Variants in COL22A1 observed in about 807,000 individuals in gnomAD.
COL22A1 encodes the protein collagen type XXII alpha 1 chain, also known as collagen alpha-1(XXII) chain.
Under a neutral mutation model 248.9 loss-of-function variants are expected in COL22A1, and 221 were observed. That is an observed-to-expected ratio of 0.89 (90% confidence interval 0.80 to 0.99). COL22A1 has a LOEUF of 0.99. COL22A1 is among the 50% of genes least tolerant of loss of function. The probability of loss-of-function intolerance (pLI) is 0.00; values close to 1 mark genes in which losing one functional copy is unlikely to be tolerated. For synonymous variants in COL22A1, 891 were observed against 793.4 expected (o/e 1.12, Z -2.07); for missense variants, 2,240 against 2,179.0 (o/e 1.03, Z -0.56).
At chr8:138,719,036 C>T (rs529659621) in intron 27 of COL22A1, among the ~76,000 whole-genome samples, 5 of 152,190 alleles carry the variant, frequency 3.3e-5, no homozygotes, top group Non-Finnish European at 4.4e-5. Flanking sequence ...GAAGGATTTG[C>T]CAATTCACAA....
In COL22A1 at chr8:138,725,425, G is replaced by T. The variant is rs777919486; in HGVS notation, c.2155C>A (p.Pro719Thr). The T allele has an allele frequency of 6.2e-7, 1 of 1,614,100 alleles. No homozygotes were observed. Among genetic ancestry groups the T allele is most frequent in the Non-Finnish European group, 8.5e-7 (1 of 1,179,998 alleles). The change falls in exon 24 of 65, where the codon CCT becomes ACT. Residue 719 changes from proline to threonine, a missense_variant. Transcript: ENST00000303045. Reference protein sequence around the residue: ...LLGLQGPPGPPGVPGPPGPGG... With the variant: ...LLGLQGPPGPTGVPGPPGPGG... Reference sequence around the variant, plus strand: ...GGTCCAGGGGGGCCTGGGACACCAGGGGGTCCTGGAGGGCCCTGTAGAGAA... The same window carrying T: ...GGTCCAGGGGGGCCTGGGACACCAGTGGGTCCTGGAGGGCCCTGTAGAGAA...
chr8:138,690,790 G>C, intron 36 of COL22A1, 31 bp downstream of exon 36: 1 of 1,580,058 alleles, frequency 6.3e-7, no homozygotes, highest in Non-Finnish European at 8.6e-7. Context: ...TGGTGGCTGG[G>C]CCGTGCGTAT....
intron 47 of COL22A1, among the ~76,000 whole-genome samples, chr8:138,643,628 A>AGATAGATAGATG (rs1821916080): frequency 1.5e-5 from 1 of 66,208 alleles, no homozygotes; most frequent in Non-Finnish European, 3.4e-5. Context: ...ATAGATAGAT[A>AGATAGATAGATG]GATAGATAGA....
intron 3 of COL22A1, among the ~76,000 whole-genome samples, chr8:138,860,776 C>A (rs1000285014): frequency 6.6e-6 from 1 of 152,166 alleles, no homozygotes; most frequent in South Asian, 2.1e-4. Flanking sequence ...CCACTACACT[C>A]CAGCCTGGGC....
At chr8:138,783,692 G>A (rs10282799) in intron 12 of COL22A1, among the ~76,000 whole-genome samples, 43,905 of 152,060 alleles carry the variant, frequency 0.29, 6,800 homozygotes, top group African/African-American at 0.39. Flanking sequence ...CATCACACAC[G>A]GCCACTGTGA....
intron 3 of COL22A1, among the ~76,000 whole-genome samples, chr8:138,867,931 A>G (rs1454965755): frequency 6.6e-6 from 1 of 151,888 alleles, no homozygotes; most frequent in East Asian, 1.9e-4. Flanking sequence ...TGCCTGGCTA[A>G]CTTTTGTATT....
Position 138,594,284 on chromosome 8 carries a change from CAGGGGG to C in COL22A1, c.4433-91_4433-86del. On this transcript the variant is annotated intron_variant, in intron 62 of 64. Transcript: ENST00000303045. ...TGGCTACTCACTGACAACTCAGAAC[CAGGGGG>C]CCGATAATAGCTGCAGAAACGGACA... The C allele has an allele frequency of 1.6e-6, 2 of 1,228,688 alleles. 1 individual carries two copies. 76.1% of individuals were successfully genotyped at this position (1,228,688 alleles called of 1,614,324 possible).
At chr8:138,601,257 G>C (rs7818018) in intron 60 of COL22A1, among the ~76,000 whole-genome samples, 5,462 of 152,154 alleles carry the variant, frequency 0.036, 308 homozygotes, top group African/African-American at 0.12. Flanking sequence ...CGGGATAGAG[G>C]AATCAAAGTC....
At chr8:138,732,274 C>A (rs569017377) in intron 23 of COL22A1, among the ~76,000 whole-genome samples, 1 of 152,196 alleles carries the variant, frequency 6.6e-6, no homozygotes, top group Non-Finnish European at 1.5e-5. Context: ...AAGAATAAAA[C>A]GCAAGAAGCG....
At chr8:138,871,559 T>C (rs1238949944) in intron 3 of COL22A1, among the ~76,000 whole-genome samples, 2 of 152,216 alleles carry the variant, frequency 1.3e-5, no homozygotes, top group Non-Finnish European at 2.9e-5. Flanking sequence ...CATCACTTGA[T>C]GGACTGCCCA....
chr8:138,721,961 C>T (rs1829897924), intron 26 of COL22A1, 75 bp downstream of exon 26: 1 of 1,162,380 alleles, frequency 8.6e-7, no homozygotes, highest in Non-Finnish European at 1.3e-6. Context: ...TTGTAGAATT[C>T]ACCAACAATC....
intron 44 of COL22A1, among the ~76,000 whole-genome samples, chr8:138,658,975 C>T (rs886514200): frequency 6.6e-6 from 1 of 152,142 alleles, no homozygotes; most frequent in Admixed American, 6.6e-5. Flanking sequence ...ACATCATCAG[C>T]TGCACTATGC....
intron 16 of COL22A1, among the ~76,000 whole-genome samples, chr8:138,770,617 G>C (rs752305453): frequency 1.3e-5 from 2 of 152,240 alleles, no homozygotes; most frequent in African/African-American, 4.8e-5. Context: ...CTTTTTCCAA[G>C]AGAAGATGGA....
chr8:138,835,780 C>A (rs546904643), intron 4 of COL22A1, among the ~76,000 whole-genome samples: 2 of 152,276 alleles, frequency 1.3e-5, no homozygotes, highest in Admixed American at 1.3e-4. Flanking sequence ...TGAGTACGAG[C>A]CTCAACCTCT....
intron 30 of COL22A1, among the ~76,000 whole-genome samples, chr8:138,713,690 T>A (rs1389948247): frequency 7.3e-6 from 1 of 137,558 alleles, no homozygotes; most frequent in Non-Finnish European, 1.6e-5. Flanking sequence ...CAACAAAACC[T>A]CATCACACCC....
intron 44 of COL22A1, among the ~76,000 whole-genome samples, 166 bp downstream of exon 44, chr8:138,660,268 CTG>C (rs774339330): frequency 1.2e-4 from 19 of 152,248 alleles, no homozygotes; most frequent in Non-Finnish European, 2.2e-4. Context: ...CGACTTCCCA[CTG>C]TAGTTTATCT....
chr8:138,780,705 T>C (rs1020049065), intron 13 of COL22A1, among the ~76,000 whole-genome samples: 1 of 152,172 alleles, frequency 6.6e-6, no homozygotes, highest in Non-Finnish European at 1.5e-5. Flanking sequence ...TGAAAAATCA[T>C]TTCCAAGGAC....
intron 2 of COL22A1, among the ~76,000 whole-genome samples, chr8:138,881,423 T>C (rs894280252): frequency 2.0e-5 from 3 of 152,110 alleles, no homozygotes; most frequent in Non-Finnish European, 4.4e-5. Context: ...TGGTGGCTCA[T>C]GCCTGTAATC....
At chr8:138,651,452 C>T (rs1389377453) in intron 45 of COL22A1, among the ~76,000 whole-genome samples, 2 of 152,214 alleles carry the variant, frequency 1.3e-5, no homozygotes, top group African/African-American at 4.8e-5. Context: ...AATTAACTGT[C>T]CACCTGACAT....
Sources: allele counts gnomAD v4.1 joint callset (sites outside exome capture counted in the v4.1 genomes callset), GRCh38; gene constraint gnomAD v4.1.1; transcripts MANE v1.5; gene names NCBI Gene and HGNC (gene_info 2026-07-23, HGNC 2026-07-21).